Variants in DLGAP1 observed in about 807,000 individuals in gnomAD.
DLGAP1 encodes DLG associated protein 1.
Under a neutral mutation model 90.8 loss-of-function variants are expected in DLGAP1, and 11 were observed. The observed-to-expected ratio is 0.12, with a 90% CI of 0.08 to 0.20. The LOEUF (loss-of-function observed/expected upper bound fraction) is 0.20, where lower values mean the gene tolerates loss of function less well. Among genes scored for constraint, DLGAP1 ranks in the 10% least tolerant of loss-of-function variants. DLGAP1 has a pLI of 1.00. For synonymous variants in DLGAP1, 558 were observed against 540.7 expected, an observed-to-expected ratio of 1.03 and a Z score of -0.44; for missense variants, 1,050 against 1,333.8, an observed-to-expected ratio of 0.79 and a Z score of 3.31.
At chr18:3,699,507 A>G (rs943651372) in intron 7 of DLGAP1, among the ~76,000 whole-genome samples, 1 of 152,094 alleles carries the variant, frequency 6.6e-6, no homozygotes, top group African/African-American at 2.4e-5. Flanking sequence ...TTTCCTCTGG[A>G]AGCTTCATCC....
At chr18:3,601,020 A>G (rs1355845930) in intron 7 of DLGAP1, among the ~76,000 whole-genome samples, 2 of 143,498 alleles carry the variant, frequency 1.4e-5, no homozygotes, top group Non-Finnish European at 3.0e-5. Context: ...ATAGATATAT[A>G]GATATATAGA....
At chr18:4,054,414 C>T (rs111967259) in intron 2 of DLGAP1, among the ~76,000 whole-genome samples, 7 of 152,282 alleles carry the variant, frequency 4.6e-5, no homozygotes, top group African/African-American at 1.7e-4. Flanking sequence ...TGAAAAGAAT[C>T]ATTGTTCTGC....
intron 4 of DLGAP1, among the ~76,000 whole-genome samples, chr18:3,857,075 G>T (rs1756945324): frequency 6.6e-6 from 1 of 152,024 alleles, no homozygotes; most frequent in African/African-American, 2.4e-5. Flanking sequence ...GTGCACTCTA[G>T]GCTAGATATT....
At chr18:3,587,361 G>A (rs1458164518) in intron 7 of DLGAP1, among the ~76,000 whole-genome samples, 1 of 152,138 alleles carries the variant, frequency 6.6e-6, no homozygotes, top group Non-Finnish European at 1.5e-5. Context: ...TGCAAGAATT[G>A]AGAGGTGAAG....
intron 2 of DLGAP1, among the ~76,000 whole-genome samples, chr18:4,081,329 A>T (rs1308843005): frequency 6.6e-6 from 1 of 151,910 alleles, no homozygotes; most frequent in East Asian, 1.9e-4. Flanking sequence ...AAAAAAAAAA[A>T]AAAGTAATCT....
chr18:3,834,080 G>A (rs2068219954), intron 4 of DLGAP1, among the ~76,000 whole-genome samples: 1 of 152,102 alleles, frequency 6.6e-6, no homozygotes, highest in Non-Finnish European at 1.5e-5. Context: ...GCCGAGGCGG[G>A]TGGATCATGA....
chr18:4,355,759 T>TTC (rs2081498942), intron 1 of DLGAP1, among the ~76,000 whole-genome samples: 1 of 134,794 alleles, frequency 7.4e-6, no homozygotes, highest in Non-Finnish European at 1.7e-5. Context: ...TTTTTTTTTT[T>TTC]TGCAATTTTT....
chr18:4,344,967 A>G (rs890863921), intron 1 of DLGAP1, among the ~76,000 whole-genome samples: 4 of 152,186 alleles, frequency 2.6e-5, no homozygotes, highest in Non-Finnish European at 5.9e-5. Flanking sequence ...CCATGTTAAT[A>G]TTCAATATCT....
At chr18:3,745,566 G>A (rs2063232369) in intron 5 of DLGAP1, among the ~76,000 whole-genome samples, 1 of 152,136 alleles carries the variant, frequency 6.6e-6, no homozygotes, top group South Asian at 2.1e-4. Flanking sequence ...GAATCCACAC[G>A]AAAATTAAAT....
At chr18:3,762,679 T>G (rs1046335372) in intron 5 of DLGAP1, among the ~76,000 whole-genome samples, 11 of 152,200 alleles carry the variant, frequency 7.2e-5, no homozygotes, top group Non-Finnish European at 1.6e-4. Flanking sequence ...ATCAGCATGC[T>G]GAAAGGTCAC....
intron 1 of DLGAP1, among the ~76,000 whole-genome samples, chr18:4,311,268 G>A (rs1415590872): frequency 2.0e-5 from 3 of 152,120 alleles, no homozygotes; most frequent in Non-Finnish European, 1.5e-5. Flanking sequence ...CTTTGACAAA[G>A]GCAAAATCTT....
intron 1 of DLGAP1, among the ~76,000 whole-genome samples, chr18:4,390,991 A>AAACACACTGT (rs2082329777): frequency 2.0e-5 from 3 of 152,194 alleles, no homozygotes; most frequent in Admixed American, 2.0e-4. Flanking sequence ...CAGAATGGTC[A>AAACACACTGT]TATACCTTAA....
chr18:4,169,456 T>C (rs11877855), intron 1 of DLGAP1, among the ~76,000 whole-genome samples: 10,377 of 152,148 alleles, frequency 0.068, 921 homozygotes, highest in East Asian at 0.25. Context: ...GTATTAGTTA[T>C]ACTATTCAAG....
intron 6 of DLGAP1, among the ~76,000 whole-genome samples, chr18:3,739,859 G>C (rs1446503808): frequency 2.6e-5 from 4 of 152,188 alleles, no homozygotes; most frequent in Non-Finnish European, 5.9e-5. Context: ...ATCCATTTCA[G>C]CTGGCCATTC....
rs561479707 is a variant in DLGAP1, at chr18:4,422,467, T to C, written c.-267+32539A>G. On this transcript the variant is annotated intron_variant, in intron 1 of 12. Transcript: ENST00000315677. ...TCATTTTTACCTATGGGTTTAAATG[T>C]TGTGCAGTGAGTTTATTTACAATAT... is the stretch of plus-strand genomic sequence containing the variant. 3.3e-5 allele frequency among the ~76,000 whole-genome samples: 5 copies of C among 152,084 alleles called. No individual in the cohort carries two copies. In the East Asian group the frequency reaches 9.6e-4, roughly 29 times the overall value.
intron 3 of DLGAP1, among the ~76,000 whole-genome samples, chr18:3,906,826 G>A (rs1212913817): frequency 6.6e-6 from 1 of 152,206 alleles, no homozygotes; most frequent in Non-Finnish European, 1.5e-5. Context: ...CACACCATGA[G>A]TGTGGTTTAC....
chr18:3,537,939 A>G (rs1343902676), intron 9 of DLGAP1, among the ~76,000 whole-genome samples: 3 of 152,214 alleles, frequency 2.0e-5, no homozygotes, highest in Non-Finnish European at 2.9e-5. Flanking sequence ...GCCTTAAACA[A>G]TAGTGCACTA....
At chr18:3,710,362 C>G (rs911006775) in intron 7 of DLGAP1, among the ~76,000 whole-genome samples, 8 of 152,220 alleles carry the variant, frequency 5.3e-5, no homozygotes, top group Non-Finnish European at 1.5e-5. Flanking sequence ...CCCGCCCTTT[C>G]TCCTCCACAC....
intron 3 of DLGAP1, among the ~76,000 whole-genome samples, chr18:3,967,160 T>C (rs973164850): frequency 2.6e-5 from 4 of 152,126 alleles, no homozygotes; most frequent in Admixed American, 1.3e-4. Context: ...CCTGTCTACA[T>C]TGGTGGAGGG....
Sources: gnomAD v4.1 joint callset for allele counts (sites outside exome capture counted in the v4.1 genomes callset) on GRCh38, gnomAD v4.1.1 for gene constraint, MANE v1.5 for transcripts, NCBI Gene and HGNC (gene_info 2026-07-23, HGNC 2026-07-21) for gene names.